ACTR3C: variants seen among roughly 807,000 people sequenced by gnomAD.
ACTR3C encodes actin-related protein 3C.
A neutral mutation model predicts 26.3 loss-of-function variants in ACTR3C; 18 were observed. The ratio of observed to expected loss-of-function variants is 0.68; its 90% confidence interval spans 0.47 to 1.01. The LOEUF is 1.01. ACTR3C is among the 50% of genes least tolerant of loss of function. The pLI is 0.00. For missense variants in ACTR3C, 184 were observed against 250.7 expected, an observed-to-expected ratio of 0.73 and a Z score of 1.80; for synonymous variants, 55 against 94.5, an observed-to-expected ratio of 0.58 and a Z score of 2.42.
At chr7:150,023,340 T>TACATAC in the ACTR3C span, among the ~76,000 whole-genome samples, 23 of 93,522 alleles carry the variant, frequency 2.5e-4, no homozygotes, top group African/African-American at 3.6e-4. Flanking sequence ...CATACATACA[T>TACATAC]ATATATTTTA....
At chr7:150,038,249 C>G in the ACTR3C span, among the ~76,000 whole-genome samples, 44 of 144,658 alleles carry the variant, frequency 3.0e-4, 1 homozygote, top group East Asian at 6.5e-3. Context: ...AATAGGGGGG[C>G]CATCCTTTAG....
At chr7:149,985,574 G>A in the ACTR3C span, among the ~76,000 whole-genome samples, 1 of 152,194 alleles carries the variant, frequency 6.6e-6, no homozygotes, top group Non-Finnish European at 1.5e-5. Context: ...AGCCGGGAGT[G>A]GGCACCACCC....
the ACTR3C span, among the ~76,000 whole-genome samples, chr7:150,082,410 G>A: frequency 6.6e-6 from 1 of 152,148 alleles, no homozygotes. Context: ...CACTGTGTTG[G>A]CCTCTGTGGG....
the ACTR3C span, among the ~76,000 whole-genome samples, chr7:150,138,394 T>C: frequency 2.6e-5 from 4 of 152,212 alleles, no homozygotes; most frequent in African/African-American, 9.7e-5. Context: ...CTGCAGACAG[T>C]ATCAAATAGG....
chr7:150,126,085 C>G, the ACTR3C span, among the ~76,000 whole-genome samples: 26 of 152,240 alleles, frequency 1.7e-4, no homozygotes, highest in East Asian at 4.6e-3. Flanking sequence ...AACAAACGGA[C>G]CCTGAAATGA....
chr7:149,970,535 C>T, the ACTR3C span, among the ~76,000 whole-genome samples: 4 of 152,204 alleles, frequency 2.6e-5, no homozygotes, highest in African/African-American at 9.7e-5. Flanking sequence ...TTTCATCTGT[C>T]TCGATGTGAA....
At chr7:150,193,275 TTC>T in the ACTR3C span, among the ~76,000 whole-genome samples, 2 of 152,112 alleles carry the variant, frequency 1.3e-5, no homozygotes, top group East Asian at 1.9e-4. Flanking sequence ...TTCATTTAAT[TTC>T]TCTTTTATAT....
chr7:150,069,032 G>A, the ACTR3C span, among the ~76,000 whole-genome samples: 3 of 152,178 alleles, frequency 2.0e-5, no homozygotes, highest in Non-Finnish European at 4.4e-5. Flanking sequence ...TCTGTTGCTT[G>A]AGTGTCTGCC....
chr7:149,962,234 G>A, the ACTR3C span, among the ~76,000 whole-genome samples: 1 of 152,154 alleles, frequency 6.6e-6, no homozygotes, highest in Admixed American at 6.5e-5. Context: ...CTCACAAGAA[G>A]TGTAAGCTCA....
chr7:150,105,562 G>T, the ACTR3C span, among the ~76,000 whole-genome samples: 1 of 152,002 alleles, frequency 6.6e-6, no homozygotes, highest in Non-Finnish European at 1.5e-5. Flanking sequence ...TTTACTTCTA[G>T]CAACTGCACT....
chr7:150,256,331 T>G (rs1305183040), intron 6 of ACTR3C, among the ~76,000 whole-genome samples: 1 of 152,260 alleles, frequency 6.6e-6, no homozygotes, highest in Non-Finnish European at 1.5e-5. Context: ...TGTTTTAAGT[T>G]CTTTGAGAAA....
Position 150,309,201 on chromosome 7 carries a change from C to A in ACTR3C, c.-51-13854G>T, listed in dbSNP as rs563420763. On this transcript the variant is annotated intron_variant, in intron 1 of 7. Transcript: ENST00000683684. ...TGCCTAGTTGAAGGGCTAAAAAAGG[C>A]AGCATACAAAGCTGTTAGTTATGAC... 1.1e-4 allele frequency among the ~76,000 whole-genome samples: 17 copies of A among 152,198 alleles called. No individual in the cohort carries two copies. In the South Asian group the frequency reaches 3.3e-3, roughly 30 times the overall value.
the ACTR3C span, among the ~76,000 whole-genome samples, chr7:150,221,726 G>A: frequency 6.6e-6 from 1 of 152,112 alleles, no homozygotes; most frequent in Non-Finnish European, 1.5e-5. Flanking sequence ...CGGGCACGGT[G>A]GCTCACGCCT....
chr7:149,932,908 C>T, the ACTR3C span, among the ~76,000 whole-genome samples: 1 of 151,356 alleles, frequency 6.6e-6, no homozygotes, highest in Admixed American at 6.6e-5. Flanking sequence ...CCAGGCAGAA[C>T]ACCACACTTA....
chr7:150,133,290 G>C, the ACTR3C span, among the ~76,000 whole-genome samples: 1 of 152,136 alleles, frequency 6.6e-6, no homozygotes, highest in African/African-American at 2.4e-5. Flanking sequence ...TCACAGCAAC[G>C]ATGTGACAAG....
chr7:150,044,548 C>G, the ACTR3C span, among the ~76,000 whole-genome samples: 9 of 152,166 alleles, frequency 5.9e-5, no homozygotes, highest in Non-Finnish European at 1.3e-4. Context: ...CCTTTGTTGC[C>G]TGTGTAGTTT....
At chr7:150,135,456 G>T in the ACTR3C span, among the ~76,000 whole-genome samples, 1 of 152,214 alleles carries the variant, frequency 6.6e-6, no homozygotes, top group African/African-American at 2.4e-5. Context: ...AATGGTTAAT[G>T]AGGGGAGGCT....
chr7:149,901,910 CAAAAAAAAAAAAAAAAA>C, the ACTR3C span, among the ~76,000 whole-genome samples: 2 of 56,742 alleles, frequency 3.5e-5, no homozygotes, highest in Non-Finnish European at 2.9e-5. Context: ...GACTCTGTCT[CAAAAAAAAAAAAAAAAA>C]AAAAAAAAAA....
the ACTR3C span, among the ~76,000 whole-genome samples, chr7:150,185,870 G>A: frequency 6.6e-6 from 1 of 152,276 alleles, no homozygotes; most frequent in East Asian, 1.9e-4. Flanking sequence ...AAGCAAGTTA[G>A]TGCAGCTCTC....
Sources: allele counts gnomAD v4.1 joint callset (sites outside exome capture counted in the v4.1 genomes callset), GRCh38; gene constraint gnomAD v4.1.1; transcripts MANE v1.5; gene names NCBI Gene and HGNC (gene_info 2026-07-23, HGNC 2026-07-21).